Variants in ECHS1 observed in about 807,000 individuals in gnomAD.
ECHS1 encodes the protein enoyl-CoA hydratase, short chain 1.
A neutral mutation model predicts 33.5 loss-of-function variants in ECHS1; 19 were observed. The ratio of observed to expected loss-of-function variants is 0.57; its 90% CI spans 0.40 to 0.83. The LOEUF is 0.83. Among genes scored for constraint, ECHS1 ranks in the 40% least tolerant of loss-of-function variants. The pLI is 0.00. For synonymous variants in ECHS1, 158 were observed against 146.6 expected (o/e 1.08, Z -0.56); for missense variants, 365 against 381.3 (o/e 0.96, Z 0.36).
intron 2 of ECHS1, 108 bp downstream of exon 2, chr10:133,370,452 G>A (rs954370948): frequency 8.3e-6 from 10 of 1,198,648 alleles, no homozygotes; most frequent in Admixed American, 3.1e-5. Flanking sequence ...GTCCCCAGTC[G>A]CATGCCTCTG....
intron 4 of ECHS1, 52 bp from the exon 5 acceptor site, chr10:133,367,045 G>A (rs1849044230): frequency 6.9e-7 from 1 of 1,455,584 alleles, no homozygotes. Context: ...AACCCAAGAA[G>A]ACATCACAGC....
At chr10:133,370,854 A>C (rs1589883154) in intron 1 of ECHS1, 97 bp from the exon 2 acceptor site, 1 of 1,302,260 alleles carries the variant, frequency 7.7e-7, no homozygotes, top group South Asian at 1.5e-5. Flanking sequence ...ATACAGTGTG[A>C]CCCCAAGAGG....
At chr10:133,365,795 G>A (rs748245958) in intron 6 of ECHS1, among the ~76,000 whole-genome samples, 181 bp downstream of exon 6, 4 of 152,208 alleles carry the variant, frequency 2.6e-5, no homozygotes, top group Non-Finnish European at 4.4e-5. Flanking sequence ...ACATCTCAGC[G>A]GAGTTCCTGA....
intron 6 of ECHS1, among the ~76,000 whole-genome samples, chr10:133,365,110 CGGCA>C (rs1272284441): frequency 6.6e-6 from 1 of 152,224 alleles, no homozygotes; most frequent in Non-Finnish European, 1.5e-5. Flanking sequence ...TGGGCGCGGC[CGGCA>C]CCAAGAACGC....
At chr10:133,368,136 C>T (rs1434530015) in intron 4 of ECHS1, among the ~76,000 whole-genome samples, 3 of 152,190 alleles carry the variant, frequency 2.0e-5, no homozygotes, top group Admixed American at 6.5e-5. Flanking sequence ...TGCTAAGCCC[C>T]GTAGGGCTGG....
intron 4 of ECHS1, among the ~76,000 whole-genome samples, chr10:133,368,422 C>T (rs779026381): frequency 6.6e-6 from 1 of 152,288 alleles, no homozygotes; most frequent in South Asian, 2.1e-4. Context: ...CTCCTGGCTG[C>T]TCGGCCTGGG....
At chr10:133,370,778 G>A (rs759648410) in intron 1 of ECHS1, 21 bp from the exon 2 acceptor site, 1 of 1,600,898 alleles carries the variant, frequency 6.2e-7, no homozygotes, top group Non-Finnish European at 8.5e-7. Flanking sequence ...AAGGCAAAAA[G>A]GGGTATCTAT....
rs1589878887 is a variant in ECHS1, at chr10:133,362,768, G to A, written c.*100C>T. 18 of 1,361,712 alleles carry A rather than the reference G, an allele frequency of 1.3e-5. No individual in the cohort carries two copies. Among genetic ancestry groups the A allele is most frequent in the East Asian group, 9.2e-5 (4 of 43,500 alleles). The allele number at this position is 1,361,712 out of a possible 1,614,324, so 84.4% of individuals were successfully genotyped here. On this transcript the variant is annotated 3_prime_UTR_variant, in exon 8 of 8. Transcript: ENST00000368547. Reference sequence around the variant, plus strand: ...CAATTGGAGAGGAACTGCACACCACGGACACTGCTCTTGAAAAGAGGATGA... The same window carrying A: ...CAATTGGAGAGGAACTGCACACCACAGACACTGCTCTTGAAAAGAGGATGA...
intron 1 of ECHS1, among the ~76,000 whole-genome samples, chr10:133,371,930 G>A (rs894718903): frequency 6.6e-6 from 1 of 152,154 alleles, no homozygotes; most frequent in African/African-American, 2.4e-5. Context: ...CCGAGTAGCT[G>A]GGACTACGGT....
In ECHS1 at chr10:133,373,281, G is replaced by T; in HGVS notation, c.53C>A (p.Pro18Gln). The T allele has an allele frequency of 6.8e-7, 1 of 1,474,682 alleles. No homozygotes were observed. 91.3% of individuals were successfully genotyped at this position (1,474,682 alleles called of 1,614,324 possible). The change falls in exon 1 of 8, where the codon CCG (proline) becomes CAG (glutamine). Residue 18 changes from proline (P) to glutamine (Q), a missense_variant. Transcript: ENST00000368547. ...GGGACGCCAGGCGGGACAGCGAACCGGGGGCCTCAGCGGGCCGCGGACGCA... is the reference window on the plus strand; with the variant it reads ...GGGACGCCAGGCGGGACAGCGAACCTGGGGCCTCAGCGGGCCGCGGACGCA... The part of the protein sequence containing the change: ...LSCVRGPLRP[P>Q]VRCPAWRPFA...
chr10:133,370,117 G>A, intron 2 of ECHS1, 86 bp from the exon 3 acceptor site: 1 of 1,551,912 alleles, frequency 6.4e-7, no homozygotes, highest in East Asian at 2.3e-5. Context: ...AGGAACTTCA[G>A]AGCACACCAG....
At chr10:133,368,076 T>C (rs1337542002) in intron 4 of ECHS1, among the ~76,000 whole-genome samples, 2 of 152,146 alleles carry the variant, frequency 1.3e-5, no homozygotes, top group African/African-American at 2.4e-5. Context: ...CTCTTTGTCT[T>C]GTGTCTTTAT....
chr10:133,362,998 G>C, intron 7 of ECHS1, 65 bp from the exon 8 acceptor site: 1 of 1,568,872 alleles, frequency 6.4e-7, no homozygotes, highest in South Asian at 1.1e-5. Context: ...TGATGCCAAT[G>C]TCCGCCCGTC....
chr10:133,373,149 G>C (rs950959279), intron 1 of ECHS1, 97 bp downstream of exon 1: 3 of 1,002,740 alleles, frequency 3.0e-6, no homozygotes, highest in South Asian at 2.0e-5. Flanking sequence ...GGGGATGCGG[G>C]GTCAGGTGGG....
At chr10:133,370,525 T>C in intron 2 of ECHS1, 35 bp downstream of exon 2, 12 of 1,476,156 alleles carry the variant, frequency 8.1e-6, no homozygotes, top group Non-Finnish European at 1.1e-5. Flanking sequence ...CTCCCACATC[T>C]GCCCAGACAC....
chr10:133,364,669 T>A lies in ECHS1; in HGVS notation c.796A>T (p.Thr266Ser), dbSNP rs770614061. The A allele has an allele frequency of 2.5e-6, 4 of 1,613,524 alleles. No homozygotes were observed. The highest frequency in any genetic ancestry group is 2.5e-6 in the Non-Finnish European group (3 of 1,179,518). Reference sequence around the variant, plus strand: ...CACTGTTTACTCACAGTGGCAAAGGTTGAATAAAAGAGTTTCTTCTCCAAC... The same window carrying A: ...CACTGTTTACTCACAGTGGCAAAGGATGAATAAAAGAGTTTCTTCTCCAAC... ...SKLEKKLFYSTFATDDRKEGM... is the reference protein window; with the variant it reads ...SKLEKKLFYSSFATDDRKEGM... The change falls in exon 7 of 8, where the codon ACC (threonine) becomes TCC (serine). Residue 266 changes from threonine to serine, a missense_variant. Thr to Ser is a moderately conservative substitution (Grantham distance 58). Coordinates refer to ENST00000368547, the MANE Select transcript of ECHS1 (RefSeq NM_004092.4).
intron 5 of ECHS1, 61 bp from the exon 6 acceptor site, chr10:133,366,156 A>G: frequency 6.3e-7 from 1 of 1,577,742 alleles, no homozygotes; most frequent in Non-Finnish European, 8.6e-7. Context: ...TCCCTTCTCG[A>G]GTGAGTGGCC....
intron 7 of ECHS1, 85 bp from the exon 8 acceptor site, chr10:133,363,018 C>G: frequency 6.7e-7 from 1 of 1,499,094 alleles, no homozygotes; most frequent in East Asian, 2.3e-5. Flanking sequence ...CTCTCCCTGG[C>G]TCTGCCTCAC....
intron 1 of ECHS1, among the ~76,000 whole-genome samples, chr10:133,372,023 C>T (rs1235444791): frequency 6.6e-6 from 1 of 152,068 alleles, no homozygotes; most frequent in East Asian, 1.9e-4. Context: ...TCTTGATGAC[C>T]TCAGGTGATC....
Sources: gnomAD v4.1 joint callset for allele counts (sites outside exome capture counted in the v4.1 genomes callset) on GRCh38, gnomAD v4.1.1 for gene constraint, MANE v1.5 for transcripts, NCBI Gene and HGNC (gene_info 2026-07-23, HGNC 2026-07-21) for gene names.